Variants in CARD8 observed in about 807,000 individuals in gnomAD.
CARD8 encodes the protein caspase recruitment domain family member 8.
A neutral mutation model predicts 53.2 loss-of-function variants in CARD8; 38 were observed. The ratio of observed to expected loss-of-function variants is 0.71; its 90% CI spans 0.55 to 0.94. The LOEUF is 0.94. CARD8 is among the 40% of genes least tolerant of loss of function. The pLI, the probability that CARD8 is intolerant of heterozygous loss-of-function variation, is 0.00. For missense variants in CARD8, 561 were observed against 655.5 expected (o/e 0.86, Z 1.57); for synonymous variants, 245 against 244.9 (o/e 1.00, Z 0.00).
At chr19:48,250,826 T>C (rs896311891) in intron 1 of CARD8, among the ~76,000 whole-genome samples, 5 of 152,246 alleles carry the variant, frequency 3.3e-5, no homozygotes, top group Non-Finnish European at 5.9e-5. Flanking sequence ...TGATTCAGTA[T>C]TATTTTGTTA....
chr19:48,253,360 C>T (rs1477342339), intron 1 of CARD8, among the ~76,000 whole-genome samples: 1 of 152,116 alleles, frequency 6.6e-6, no homozygotes, highest in Non-Finnish European at 1.5e-5. Flanking sequence ...GCTGTAATTA[C>T]AGGTGTGAGC....
intron 8 of CARD8, among the ~76,000 whole-genome samples, chr19:48,231,258 T>G (rs12460987): frequency 6.6e-6 from 1 of 152,134 alleles, no homozygotes; most frequent in Non-Finnish European, 1.5e-5. Context: ...AAATTTTAGC[T>G]ATCATAAGGG....
chr19:48,238,708 CAT>C (rs2044373230), intron 4 of CARD8, among the ~76,000 whole-genome samples, 176 bp from the exon 5 acceptor site: 1 of 152,094 alleles, frequency 6.6e-6, no homozygotes, highest in Non-Finnish European at 1.5e-5. Flanking sequence ...CATGCCCATC[CAT>C]AGAGATGCCA....
At chr19:48,254,488 C>A (rs2047330025) in intron 1 of CARD8, among the ~76,000 whole-genome samples, 1 of 152,156 alleles carries the variant, frequency 6.6e-6, no homozygotes, top group Non-Finnish European at 1.5e-5. Context: ...TGCGGTGGCT[C>A]ATCCCTGTAA....
intron 5 of CARD8, 114 bp from the exon 6 acceptor site, chr19:48,234,657 G>C (rs1026978329): frequency 6.2e-6 from 6 of 968,344 alleles, no homozygotes; most frequent in Non-Finnish European, 9.0e-6. Flanking sequence ...TTTTATCTTA[G>C]GGAAGTCATT....
chr19:48,237,610 A>T (rs184571017), intron 5 of CARD8, among the ~76,000 whole-genome samples: 2 of 151,986 alleles, frequency 1.3e-5, no homozygotes, highest in African/African-American at 4.8e-5. Flanking sequence ...CAGCCTGGCC[A>T]ACATGGTGAA....
chr19:48,240,895 C>T lies in CARD8; in HGVS notation c.59+67G>A, dbSNP rs529723824. ...AAAACATCCATGGTCCTCTGTATCT[C>T]ATGAACTATAACGAAACACAGAAGA... On this transcript the variant is annotated intron_variant, in intron 4 of 13. Coordinates refer to ENST00000651546, the MANE Select transcript of CARD8 (RefSeq NM_001184900.3). The T allele has an allele frequency of 2.4e-6, 3 of 1,229,404 alleles. No homozygotes were observed. The African/African-American group carries it at 4.5e-5, about 18-fold the overall frequency. 76.2% of individuals were successfully genotyped at this position (1,229,404 alleles called of 1,614,324 possible).
chr19:48,252,808 TACACACACAC>T (rs71334279), intron 1 of CARD8, among the ~76,000 whole-genome samples: 3 of 148,182 alleles, frequency 2.0e-5, no homozygotes, highest in Admixed American at 6.8e-5. Context: ...TATCAGTATA[TACACACACAC>T]ACACACACAC....
downstream of CARD8, among the ~76,000 whole-genome samples, chr19:48,205,185 C>T (rs949880940): frequency 1.3e-5 from 2 of 152,126 alleles, no homozygotes; most frequent in African/African-American, 4.8e-5. Flanking sequence ...GCTAAGTACT[C>T]TTATTTTTAA....
intron 3 of CARD8, among the ~76,000 whole-genome samples, chr19:48,242,182 T>C (rs1476312622): frequency 1.3e-5 from 2 of 152,172 alleles, no homozygotes; most frequent in Non-Finnish European, 2.9e-5. Context: ...CGGGAGGTGA[T>C]GAGGTCATGA....
intron 11 of CARD8, among the ~76,000 whole-genome samples, chr19:48,221,002 GAA>G (rs1491534367): frequency 0.043 from 4,595 of 106,036 alleles, 291 homozygotes; most frequent in African/African-American, 0.14. Context: ...AGGAAAGAAA[GAA>G]AGAAAAAGAA....
chr19:48,212,005 A>C, intron 13 of CARD8, 30 bp from the exon 14 acceptor site: 1 of 1,602,988 alleles, frequency 6.2e-7, no homozygotes, highest in Non-Finnish European at 8.5e-7. Flanking sequence ...TCAGACTTTG[A>C]GAATCGTTCA....
chr19:48,251,460 C>T (rs577581138), intron 1 of CARD8, among the ~76,000 whole-genome samples: 26 of 152,208 alleles, frequency 1.7e-4, no homozygotes, highest in Admixed American at 4.6e-4. Context: ...CTTTCATTTT[C>T]CTCTGGATCA....
intron 10 of CARD8, among the ~76,000 whole-genome samples, chr19:48,226,083 C>G (rs780524533): frequency 9.4e-5 from 14 of 149,098 alleles, no homozygotes; most frequent in Non-Finnish European, 1.9e-4. Context: ...GCCATGGCCT[C>G]TAGGCCATAG....
chr19:48,212,523 T>C (rs990955333), intron 13 of CARD8, among the ~76,000 whole-genome samples: 1 of 152,226 alleles, frequency 6.6e-6, no homozygotes, highest in African/African-American at 2.4e-5. Context: ...TTGTGCCCCA[T>C]ATAATGTCTG....
intron 11 of CARD8, among the ~76,000 whole-genome samples, chr19:48,219,762 G>A (rs2040110896): frequency 6.6e-6 from 1 of 152,104 alleles, no homozygotes; most frequent in Non-Finnish European, 1.5e-5. Context: ...TTGAGGTCAG[G>A]AGCTCAAGAC....
intron 5 of CARD8, among the ~76,000 whole-genome samples, chr19:48,237,828 G>C (rs1034476316): frequency 6.6e-6 from 1 of 151,854 alleles, no homozygotes; most frequent in Non-Finnish European, 1.5e-5. Flanking sequence ...TTATCGTGAG[G>C]GGAAACTTGG....
intron 3 of CARD8, among the ~76,000 whole-genome samples, chr19:48,246,906 C>T (rs1055846531): frequency 6.6e-5 from 10 of 152,146 alleles, no homozygotes; most frequent in East Asian, 1.9e-4. Context: ...CATCTTTGAA[C>T]GCATAAATGA....
chr19:48,207,745 T>TTTGTTTTTTTTTTG (rs1469460660), downstream of CARD8, among the ~76,000 whole-genome samples: 20 of 133,130 alleles, frequency 1.5e-4, 3 homozygotes, highest in Non-Finnish European at 2.0e-4. Flanking sequence ...TTTTTTTTTT[T>TTTGTTTTTTTTTTG]TTTTTTTTGA....
Sources: allele counts gnomAD v4.1 joint callset (sites outside exome capture counted in the v4.1 genomes callset), GRCh38; gene constraint gnomAD v4.1.1; transcripts MANE v1.5; gene names NCBI Gene and HGNC (gene_info 2026-07-23, HGNC 2026-07-21).